BARX2: variants seen among roughly 807,000 people sequenced by gnomAD.
BARX2 encodes homeobox protein BarH-like 2.
A neutral mutation model predicts 25.5 loss-of-function variants in BARX2; 11 were observed. That is an observed-to-expected ratio of 0.43 (90% confidence interval 0.27 to 0.71). The LOEUF is 0.71. Ranked by LOEUF, BARX2 falls within the 30% of genes least tolerant of loss-of-function variation. BARX2 has a pLI of 0.19. For missense variants in BARX2, 360 were observed against 359.9 expected (o/e 1.00, Z 0.00); for synonymous variants, 137 against 149.5 (o/e 0.92, Z 0.61).
intron 2 of BARX2, chr11:129,438,125 C>A (rs537386684): frequency 9.9e-5 from 15 of 151,842 alleles, no homozygotes; most frequent in African/African-American, 3.6e-4. Context: ...GAGTTCAGGA[C>A]CAGCCTGGCC....
chr11:129,376,271 C>G lies in BARX2; in HGVS notation c.187+49C>G. On this transcript the variant is annotated intron_variant, in intron 1 of 3. Coordinates refer to ENST00000281437, the MANE Select transcript of BARX2 (RefSeq NM_003658.5). This position sits in a 1 kb window ranked among gnomAD's most constrained non-coding sequence, Gnocchi z 4.2. ...AGTGGGGTTCGGTAGCTTTCACGTCCGTGTAGGTGGCCTGTGCTTTGCGAT... is the reference window on the plus strand; with the variant it reads ...AGTGGGGTTCGGTAGCTTTCACGTCGGTGTAGGTGGCCTGTGCTTTGCGAT... The G allele has an allele frequency of 1.3e-6, 2 of 1,518,412 alleles. No individual in the cohort carries two copies. Among genetic ancestry groups the G allele is most frequent in the Non-Finnish European group, 1.8e-6 (2 of 1,119,288 alleles). 94.1% of individuals were successfully genotyped at this position (1,518,412 alleles called of 1,614,324 possible). A position where few individuals can be genotyped will look rare whatever the true frequency, so the allele number is the denominator to read the frequency against.
Position 129,451,420 on chromosome 11 carries a change from G to A in BARX2, c.*18G>A, listed in dbSNP as rs1333782374. On this transcript the variant is annotated 3_prime_UTR_variant, in exon 4 of 4. Coordinates refer to ENST00000281437, the MANE Select transcript of BARX2 (RefSeq NM_003658.5). The stretch of plus-strand genomic sequence containing the variant: ...TAAGCTAAAGTAAAACCCTTTTGAG[G>A]GAAGAGGGAGACTGGGGAGAAGGGA... 2 of 1,604,042 alleles carry A rather than the reference G, an allele frequency of 1.2e-6. No individual in the cohort carries two copies. The highest frequency in any genetic ancestry group is 1.7e-5 in the Admixed American group (1 of 59,640).
In BARX2 at chr11:129,395,147, A is replaced by G. The variant is rs534316840; in HGVS notation, c.187+18925A>G. On this transcript the variant is annotated intron_variant, in intron 1 of 3. Coordinates refer to ENST00000281437, the MANE Select transcript of BARX2 (RefSeq NM_003658.5). ...TTCTGTGCATCTTAATTTATTTTAT[A>G]TAATTTAAAAAACAAAGTCACTAAT... 3.3e-5 allele frequency among the ~76,000 whole-genome samples: 5 copies of G among 152,336 alleles called. No individual in the cohort carries two copies. In the South Asian group the frequency reaches 6.2e-4, roughly 19 times the overall value.
intron 1 of BARX2, among the ~76,000 whole-genome samples, chr11:129,418,665 A>G (rs945083564): frequency 1.3e-5 from 2 of 152,206 alleles, no homozygotes; most frequent in African/African-American, 4.8e-5. Context: ...ATCACGAATG[A>G]AAACATATCC....
chr11:129,430,357 A>G lies in BARX2; in HGVS notation c.188-6394A>G, dbSNP rs535990577. 4.6e-5 allele frequency among the ~76,000 whole-genome samples: 7 copies of G among 152,218 alleles called. No homozygotes were observed. The East Asian group carries it at 1.3e-3, about 29-fold the overall frequency. ...TATATGTTTCAATAGATTAATATACATATTACTGGATTTAGGTCATATATA... is the reference window on the plus strand; with the variant it reads ...TATATGTTTCAATAGATTAATATACGTATTACTGGATTTAGGTCATATATA... On this transcript the variant is annotated intron_variant, in intron 1 of 3. Coordinates refer to ENST00000281437, the MANE Select transcript of BARX2 (RefSeq NM_003658.5).
rs1423216784 is a variant in BARX2 at position 129,441,575 on chromosome 11, C to T, written c.489-1260C>T. 5.9e-5 allele frequency among the ~76,000 whole-genome samples: 9 copies of T among 152,126 alleles called. No homozygotes were observed. The South Asian group carries it at 8.3e-4, about 14-fold the overall frequency. On this transcript the variant is annotated intron_variant, in intron 2 of 3. Transcript: ENST00000281437. Reference sequence around the variant, plus strand: ...GCACTTCTCTTGCCTCAGCCTCCTTCGTAGCTGGGATTACAGGTACCTGCC... The same window carrying T: ...GCACTTCTCTTGCCTCAGCCTCCTTTGTAGCTGGGATTACAGGTACCTGCC...
At chr11:129,425,936 G>A (rs1017893721) in intron 1 of BARX2, among the ~76,000 whole-genome samples, 3 of 149,282 alleles carry the variant, frequency 2.0e-5, no homozygotes, top group Non-Finnish European at 4.4e-5. Context: ...AGTCTAATAT[G>A]GATTTTAGAA....
At position 129,388,093 on chromosome 11, in the gene BARX2, CTG is replaced by C. The variant is rs34835803; in HGVS notation, c.187+11895_187+11896del. 4.4e-4 allele frequency among the ~76,000 whole-genome samples: 64 copies of C among 146,994 alleles called. No homozygotes were observed. In the South Asian group the frequency reaches 5.5e-3, roughly 13 times the overall value. The stretch of plus-strand genomic sequence containing the variant: ...TGTCTCATTACATATAGGCAACATA[CTG>C]TGTGTGTGTGTGTGTGTGTGTGTAG... On this transcript the variant is annotated intron_variant, in intron 1 of 3. Coordinates refer to ENST00000281437, the MANE Select transcript of BARX2 (RefSeq NM_003658.5).
At position 129,418,890 on chromosome 11, in the gene BARX2, G is replaced by C. The variant is rs139038209; in HGVS notation, c.188-17861G>C. ...GTACAGAAAGTCCTCAAACAACATC[G>C]TTTCATTCAATGTTGTTTCATTATA... On this transcript the variant is annotated intron_variant, in intron 1 of 3. Transcript: ENST00000281437. 3.3e-3 allele frequency among the ~76,000 whole-genome samples: 508 copies of C among 152,278 alleles called. 4 individuals carry two copies. The highest frequency in any genetic ancestry group is 0.011 in the African/African-American group (471 of 41,550).
rs566789056 is a variant in BARX2 at position 129,432,899 on chromosome 11, C to T, written c.188-3852C>T. ...CTGTCCCCTCCTCAGTGTCTTTGGC[C>T]GGCTCGTCTTCCTCTCTGTGACCTG... On this transcript the variant is annotated intron_variant, in intron 1 of 3. Coordinates refer to ENST00000281437, the MANE Select transcript of BARX2 (RefSeq NM_003658.5). Among the ~76,000 whole-genome samples the T allele has an allele frequency of 1.3e-4, 20 of 152,252 alleles. No homozygotes were observed. In the East Asian group the frequency reaches 1.4e-3, roughly 10 times the overall value.
chr11:129,424,046 C>T (rs935702831), intron 1 of BARX2, among the ~76,000 whole-genome samples: 2 of 152,136 alleles, frequency 1.3e-5, no homozygotes, highest in Non-Finnish European at 2.9e-5. Context: ...GACAGGGTTT[C>T]ACTATATTGG....
At chr11:129,389,746 T>C (rs2135387225) in intron 1 of BARX2, among the ~76,000 whole-genome samples, 1 of 152,058 alleles carries the variant, frequency 6.6e-6, no homozygotes, top group East Asian at 1.9e-4. Flanking sequence ...ATGAAACTAT[T>C]CTTTTTTTCT....
chr11:129,432,774 A>T (rs565385846), intron 1 of BARX2, among the ~76,000 whole-genome samples: 55 of 152,314 alleles, frequency 3.6e-4, no homozygotes, highest in African/African-American at 1.3e-3. Context: ...TTTTTAAAAA[A>T]TTTTAAAAAA....
At chr11:129,405,600 A>G (rs1375194330) in intron 1 of BARX2, among the ~76,000 whole-genome samples, 1 of 152,228 alleles carries the variant, frequency 6.6e-6, no homozygotes, top group Non-Finnish European at 1.5e-5. Flanking sequence ...TTAAGATGAT[A>G]GATAAAATGT....
Position 129,451,266 on chromosome 11 carries a change from A to T in BARX2, c.704A>T (p.Glu235Val). 1 of 1,614,208 alleles carries T rather than the reference A, an allele frequency of 6.2e-7. No individual in the cohort carries two copies. Among genetic ancestry groups the T allele is most frequent in the Non-Finnish European group, 8.5e-7 (1 of 1,180,036 alleles). Reference sequence around the variant, plus strand: ...CAGGCCCAGGGTCAGGAGCAGCTGGAGCCCTCTCAGGGGCAGGAGGAGCTC... The same window carrying T: ...CAGGCCCAGGGTCAGGAGCAGCTGGTGCCCTCTCAGGGGCAGGAGGAGCTC... ...NSQAQGQEQL[E>V]PSQGQEELCE... The change falls in exon 4 of 4, where the codon GAG (glutamate) becomes GTG (valine). Residue 235 changes from glutamate (E) to valine (V), a missense_variant. Transcript: ENST00000281437.
chr11:129,404,753 G>C (rs1400156174), intron 1 of BARX2, among the ~76,000 whole-genome samples: 1 of 152,204 alleles, frequency 6.6e-6, no homozygotes, highest in Non-Finnish European at 1.5e-5. Context: ...GATTCCGACA[G>C]GTGCCCTTGC....
At chr11:129,395,567 T>C (rs1319580298) in intron 1 of BARX2, among the ~76,000 whole-genome samples, 1 of 152,092 alleles carries the variant, frequency 6.6e-6, no homozygotes, top group Non-Finnish European at 1.5e-5. Flanking sequence ...CCTCCGGCCC[T>C]CCCGGTCACA....
At chr11:129,383,233 A>G (rs1226319669) in intron 1 of BARX2, among the ~76,000 whole-genome samples, 2 of 152,222 alleles carry the variant, frequency 1.3e-5, no homozygotes, top group Middle Eastern at 3.2e-3. Context: ...GTTAAAATAA[A>G]TGCTCTAAAT....
At position 129,436,150 on chromosome 11, in the gene BARX2, A is replaced by G. The variant is rs1862186170; in HGVS notation, c.188-601A>G. On this transcript the variant is annotated intron_variant, in intron 1 of 3. Transcript: ENST00000281437. The surrounding 1 kb of genome is among the most constrained non-coding windows in gnomAD (Gnocchi z 4.5). ...CAGAAGAACTTGGTTTGACTCCTCC[A>G]TCTGCTGCTTCCTAGTTACGTTATC... 6.6e-6 allele frequency: 1 copy of G among 152,238 alleles called. No individual in the cohort carries two copies. The highest frequency in any genetic ancestry group is 1.5e-5 in the Non-Finnish European group (1 of 68,070). The allele number at this position is 152,238 out of a possible 1,614,324, so 9.4% of individuals were successfully genotyped here.
Sources: gnomAD v4.1 joint callset for allele counts (sites outside exome capture counted in the v4.1 genomes callset) on GRCh38, gnomAD v4.1.1 for gene constraint, Gnocchi (gnomAD v3.1) non-coding constraint, MANE v1.5 for transcripts, NCBI Gene and HGNC (gene_info 2026-07-23, HGNC 2026-07-21) for gene names.